Variants in CEP112 observed in about 807,000 individuals in gnomAD.
CEP112 encodes centrosomal protein 112.
CEP112 carries 127 observed loss-of-function variants against 153.0 expected under a neutral mutation model. The ratio of observed to expected loss-of-function variants is 0.83; its 90% CI spans 0.72 to 0.96. CEP112 has a LOEUF of 0.96. Ranked by LOEUF, CEP112 falls within the 40% of genes least tolerant of loss-of-function variation. The pLI, the probability that CEP112 is intolerant of heterozygous loss-of-function variation, is 0.00. For missense variants in CEP112, 1,089 were observed against 1,101.2 expected (o/e 0.99, Z 0.16); for synonymous variants, 358 against 374.4 (o/e 0.96, Z 0.51).
In CEP112 at chr17:65,649,717, C is replaced by CAAAA. The variant is rs3077085; in HGVS notation, c.2698-8656_2698-8653dup. On this transcript the variant is annotated intron_variant, in intron 24 of 26. Coordinates refer to ENST00000535342, the MANE Select transcript of CEP112 (RefSeq NM_001199165.4). ...TAGGCAACTGAATAAGACCCTGTCT[C>CAAAA]AAAAAAAAAAAAAAAAAAGTGTGCC... Among the ~76,000 whole-genome samples the CAAAA allele has an allele frequency of 9.6e-5, 11 of 114,510 alleles. 1 individual carries two copies. Among genetic ancestry groups the CAAAA allele is most frequent in the East Asian group, 2.5e-4 (1 of 4,066 alleles). The allele number at this position is 114,510 out of a possible 152,430, so 75.1% of individuals were successfully genotyped here.
chr17:65,820,456 TC>T lies in CEP112; in HGVS notation c.2394+31347del, dbSNP rs551001527. Among the ~76,000 whole-genome samples, 268 of 152,256 alleles carry T rather than the reference TC, an allele frequency of 1.8e-3. 1 individual carries two copies. The highest frequency in any genetic ancestry group is 3.3e-3 in the Non-Finnish European group (221 of 67,970). ...AAAGTTACATGTCTTTTCATGATTT[TC>T]CCCAGCACTGACCTAAATATACAGT... On this transcript the variant is annotated intron_variant, in intron 21 of 26. Transcript: ENST00000535342.
chr17:66,161,671 C>G (rs1341528183), intron 4 of CEP112, among the ~76,000 whole-genome samples: 5 of 151,592 alleles, frequency 3.3e-5, no homozygotes, highest in Non-Finnish European at 7.4e-5. Context: ...CATCACACAC[C>G]GGGTCTGTCA....
intron 18 of CEP112, among the ~76,000 whole-genome samples, chr17:65,938,505 G>A (rs2061421424): frequency 6.6e-6 from 1 of 151,774 alleles, no homozygotes; most frequent in African/African-American, 2.4e-5. Context: ...CTACTCAATG[G>A]TGAAAAGCTG....
At chr17:65,833,685 A>G (rs192685511) in intron 21 of CEP112, among the ~76,000 whole-genome samples, 1 of 152,326 alleles carries the variant, frequency 6.6e-6, no homozygotes, top group African/African-American at 2.4e-5. Flanking sequence ...GAAAATTACA[A>G]AAGAGTGCTT....
chr17:66,129,619 G>A (rs1325850124), intron 6 of CEP112, 127 bp downstream of exon 6: 3 of 611,962 alleles, frequency 4.9e-6, no homozygotes, highest in African/African-American at 3.8e-5. Flanking sequence ...CCCTTCTCAA[G>A]GCCACACAGT....
chr17:65,799,430 T>TTA (rs766661568), intron 21 of CEP112, among the ~76,000 whole-genome samples: 2 of 152,190 alleles, frequency 1.3e-5, no homozygotes, highest in Non-Finnish European at 2.9e-5. Flanking sequence ...ATTCAGGGTT[T>TTA]TAGTCAAATC....
intron 17 of CEP112, among the ~76,000 whole-genome samples, chr17:66,003,379 A>G (rs761724395): frequency 2.0e-5 from 3 of 152,174 alleles, no homozygotes; most frequent in Non-Finnish European, 4.4e-5. Context: ...AGCACCACTA[A>G]AAGATACTAT....
intron 24 of CEP112, among the ~76,000 whole-genome samples, chr17:65,664,323 G>GCACCCACA (rs2046571698): frequency 6.6e-6 from 1 of 152,194 alleles, no homozygotes; most frequent in Non-Finnish European, 1.5e-5. Flanking sequence ...TTGGCTGAGG[G>GCACCCACA]CTTGACAGGA....
intron 18 of CEP112, 124 bp downstream of exon 18, chr17:65,961,339 T>C (rs1452539406): frequency 3.3e-6 from 3 of 911,942 alleles, no homozygotes; most frequent in Non-Finnish European, 4.9e-6. Flanking sequence ...TCTGACCCGA[T>C]TGTATGGCTA....
Position 66,192,064 on chromosome 17 carries a change from G to T in CEP112, c.-76C>A. The T allele has an allele frequency of 6.5e-6, 1 of 153,992 alleles. No individual in the cohort carries two copies. Among genetic ancestry groups the T allele is most frequent in the South Asian group, 1.8e-4 (1 of 5,674 alleles). The allele number at this position is 153,992 out of a possible 1,614,324, so 9.5% of individuals were successfully genotyped here. ...CAACGCCGCCGCCACCGCCGCCCCT[G>T]CCAAACGGTTTCAAATCCTTGCGGG... On this transcript the variant is annotated 5_prime_UTR_variant, in exon 1 of 27. Coordinates refer to ENST00000535342, the MANE Select transcript of CEP112 (RefSeq NM_001199165.4).
chr17:66,173,269 C>T (rs2072321005), intron 4 of CEP112, among the ~76,000 whole-genome samples: 1 of 152,132 alleles, frequency 6.6e-6, no homozygotes, highest in Non-Finnish European at 1.5e-5. Context: ...AGGGGGGTAA[C>T]CAAGCACTAC....
rs1568066334 is a variant in CEP112 at position 65,821,483 on chromosome 17, C to CATATATATAA, written c.2394+30320_2394+30321insTTATATATAT. ...CTTAAAAAATTATCAAATTATTAAACTTATATATATAATTATATATATATA... is the reference window on the plus strand; with the variant it reads ...CTTAAAAAATTATCAAATTATTAAACATATATATAATTATATATATAATTATATATATATA... On this transcript the variant is annotated intron_variant, in intron 21 of 26. Transcript: ENST00000535342. Among the ~76,000 whole-genome samples the CATATATATAA allele has an allele frequency of 2.6e-3, 297 of 113,722 alleles. 4 individuals carry two copies. Among genetic ancestry groups the CATATATATAA allele is most frequent in the South Asian group, 5.7e-3 (20 of 3,480 alleles). The allele number at this position is 113,722 out of a possible 152,430, so 74.6% of individuals were successfully genotyped here. A position where few individuals can be genotyped will look rare whatever the true frequency, so the allele number is the denominator to read the frequency against.
intron 17 of CEP112, among the ~76,000 whole-genome samples, chr17:66,000,443 T>A (rs1468787187): frequency 6.6e-6 from 1 of 151,328 alleles, no homozygotes; most frequent in East Asian, 1.9e-4. Flanking sequence ...GTGAGGCAGC[T>A]GCTTTCTCCT....
intron 21 of CEP112, among the ~76,000 whole-genome samples, chr17:65,787,304 A>G (rs1318940208): frequency 6.6e-6 from 1 of 151,952 alleles, no homozygotes; most frequent in East Asian, 1.9e-4. Context: ...ACAAAGCAAG[A>G]CCCCCATCTC....
chr17:65,861,040 C>T (rs1045005849), intron 20 of CEP112, among the ~76,000 whole-genome samples: 1 of 152,182 alleles, frequency 6.6e-6, no homozygotes, highest in Non-Finnish European at 1.5e-5. Flanking sequence ...CATGAAATAT[C>T]TGAAACAAGC....
chr17:66,089,848 G>T (rs2068070601), intron 8 of CEP112, among the ~76,000 whole-genome samples: 1 of 152,058 alleles, frequency 6.6e-6, no homozygotes, highest in Admixed American at 6.6e-5. Context: ...TCTCCAATCT[G>T]ATTTAATTCA....
At chr17:65,680,193 T>C (rs2047446505) in intron 24 of CEP112, among the ~76,000 whole-genome samples, 1 of 152,186 alleles carries the variant, frequency 6.6e-6, no homozygotes, top group African/African-American at 2.4e-5. Context: ...TTTGGTGCTA[T>C]AATGTCTGAG....
chr17:65,984,582 C>T (rs761352930), intron 17 of CEP112, among the ~76,000 whole-genome samples: 14 of 151,998 alleles, frequency 9.2e-5, no homozygotes, highest in Admixed American at 2.0e-4. Context: ...TAAGAGTAAG[C>T]TACAGGAGAA....
intron 21 of CEP112, among the ~76,000 whole-genome samples, chr17:65,789,371 C>T (rs1360426325): frequency 6.6e-6 from 1 of 152,174 alleles, no homozygotes; most frequent in Admixed American, 6.5e-5. Flanking sequence ...GATCCACCCA[C>T]CATCTTTCAA....
Sources: allele counts gnomAD v4.1 joint callset (sites outside exome capture counted in the v4.1 genomes callset), GRCh38; gene constraint gnomAD v4.1.1; transcripts MANE v1.5; gene names NCBI Gene and HGNC (gene_info 2026-07-23, HGNC 2026-07-21).